Variants in FAM168A observed in about 807,000 individuals in gnomAD.
FAM168A encodes protein FAM168A.
Under a neutral mutation model 28.5 loss-of-function variants are expected in FAM168A, and 3 were observed. The observed-to-expected ratio is 0.11, with a 90% CI of 0.05 to 0.27. FAM168A has a LOEUF of 0.27. FAM168A is among the 10% of genes least tolerant of loss of function. FAM168A has a pLI of 1.00. For missense variants in FAM168A, 222 were observed against 311.5 expected (o/e 0.71, Z 2.16); for synonymous variants, 122 against 124.2 (o/e 0.98, Z 0.12).
intron 1 of FAM168A, among the ~76,000 whole-genome samples, chr11:73,489,263 T>C (rs761758767): frequency 5.9e-5 from 9 of 152,178 alleles, no homozygotes; most frequent in Non-Finnish European, 1.3e-4. Context: ...AACCCTCCTG[T>C]ATTGAGAATT....
chr11:73,408,046 T>A (rs1377835328), intron 6 of FAM168A, among the ~76,000 whole-genome samples: 1 of 152,174 alleles, frequency 6.6e-6, no homozygotes, highest in African/African-American at 2.4e-5. Flanking sequence ...TGATTTTTTA[T>A]TTTTACTAGA....
chr11:73,595,764 T>C (rs1327541599), intron 1 of FAM168A, among the ~76,000 whole-genome samples: 1 of 152,298 alleles, frequency 6.6e-6, no homozygotes, highest in East Asian at 1.9e-4. Context: ...CCCCAAAAAA[T>C]AAAATAAAAA....
intron 3 of FAM168A, among the ~76,000 whole-genome samples, chr11:73,425,854 T>TG (rs1866876793): frequency 6.6e-6 from 1 of 152,222 alleles, no homozygotes; most frequent in Non-Finnish European, 1.5e-5. Flanking sequence ...CCAAATCTAC[T>TG]GGTTTTTAGC....
intron 3 of FAM168A, among the ~76,000 whole-genome samples, chr11:73,422,504 G>A (rs533205550): frequency 9.9e-5 from 15 of 152,198 alleles, no homozygotes; most frequent in Admixed American, 7.2e-4. Context: ...TCCATATAAC[G>A]ATTCTAAAGT....
chr11:73,592,702 G>A (rs552888964), intron 1 of FAM168A, among the ~76,000 whole-genome samples: 1 of 152,138 alleles, frequency 6.6e-6, no homozygotes, highest in African/African-American at 2.4e-5. Flanking sequence ...AGGAAGGGGA[G>A]TGGAAGGGAG....
intron 1 of FAM168A, among the ~76,000 whole-genome samples, chr11:73,574,718 A>ATTTTTT (rs10568027): frequency 3.4e-5 from 3 of 88,640 alleles, no homozygotes; most frequent in East Asian, 6.9e-4. Flanking sequence ...TACACCTGGC[A>ATTTTTT]TTTTTTTTTT....
intron 1 of FAM168A, among the ~76,000 whole-genome samples, chr11:73,552,781 A>G (rs1943844374): frequency 6.6e-6 from 1 of 152,094 alleles, no homozygotes. Flanking sequence ...ACATGGCAAA[A>G]CCCCATCTCT....
At chr11:73,564,477 G>T (rs969714327) in intron 1 of FAM168A, among the ~76,000 whole-genome samples, 1 of 151,568 alleles carries the variant, frequency 6.6e-6, no homozygotes, top group Non-Finnish European at 1.5e-5. Flanking sequence ...AGTGGCTCAC[G>T]CCTATAATCC....
intron 1 of FAM168A, among the ~76,000 whole-genome samples, chr11:73,588,145 C>G (rs185764907): frequency 6.6e-6 from 1 of 152,120 alleles, no homozygotes; most frequent in Admixed American, 6.5e-5. Flanking sequence ...ACTGTACTGG[C>G]TGCTTTAATA....
At chr11:73,585,776 G>T (rs1437721706) in intron 1 of FAM168A, among the ~76,000 whole-genome samples, 1 of 150,948 alleles carries the variant, frequency 6.6e-6, no homozygotes, top group African/African-American at 2.4e-5. Context: ...GCTGAGCCAG[G>T]AGAATCACTG....
intron 2 of FAM168A, among the ~76,000 whole-genome samples, chr11:73,438,457 G>A (rs1867132629): frequency 6.6e-6 from 1 of 152,124 alleles, no homozygotes; most frequent in Non-Finnish European, 1.5e-5. Context: ...ATGCATGAAG[G>A]TATGAAAGTG....
intron 1 of FAM168A, among the ~76,000 whole-genome samples, chr11:73,540,670 A>G (rs1457812520): frequency 6.6e-6 from 1 of 152,184 alleles, no homozygotes. Flanking sequence ...GCTCAAATGC[A>G]ATCTCTTCAG....
chr11:73,515,937 C>T (rs1456160790), intron 1 of FAM168A, among the ~76,000 whole-genome samples: 1 of 151,704 alleles, frequency 6.6e-6, no homozygotes, highest in Non-Finnish European at 1.5e-5. Flanking sequence ...CCCGTCTCTA[C>T]GAAAAATACA....
chr11:73,592,642 G>A (rs1021228917), intron 1 of FAM168A, among the ~76,000 whole-genome samples: 22 of 152,036 alleles, frequency 1.4e-4, no homozygotes, highest in Admixed American at 1.4e-3. Context: ...AGAAGCAAGA[G>A]GAGGGGCTTC....
intron 1 of FAM168A, among the ~76,000 whole-genome samples, chr11:73,553,826 A>T (rs976967983): frequency 2.6e-5 from 4 of 151,864 alleles, no homozygotes; most frequent in Non-Finnish European, 4.4e-5. Flanking sequence ...AAATAAAAAT[A>T]AAATTAAAAA....
At chr11:73,561,312 T>C (rs1486347219) in intron 1 of FAM168A, among the ~76,000 whole-genome samples, 3 of 151,728 alleles carry the variant, frequency 2.0e-5, no homozygotes, top group African/African-American at 4.8e-5. Context: ...GAGGTGGAGG[T>C]TGCAGTGAGC....
intron 2 of FAM168A, among the ~76,000 whole-genome samples, chr11:73,445,721 T>TA (rs1867300567): frequency 6.6e-6 from 1 of 152,156 alleles, no homozygotes; most frequent in South Asian, 2.1e-4. Flanking sequence ...GAACATGTCT[T>TA]AGGTCAATGA....
chr11:73,544,078 G>T (rs1316196881), intron 1 of FAM168A, among the ~76,000 whole-genome samples: 1 of 152,156 alleles, frequency 6.6e-6, no homozygotes, highest in Non-Finnish European at 1.5e-5. Context: ...GCTGCAGTGA[G>T]CTATGATCCC....
At chr11:73,519,486 C>T (rs1293763248) in intron 1 of FAM168A, among the ~76,000 whole-genome samples, 1 of 152,098 alleles carries the variant, frequency 6.6e-6, no homozygotes, top group Non-Finnish European at 1.5e-5. Context: ...CTAATACATC[C>T]TATAATTACA....
Sources: gnomAD v4.1 joint callset for allele counts (sites outside exome capture counted in the v4.1 genomes callset) on GRCh38, gnomAD v4.1.1 for gene constraint, MANE v1.5 for transcripts, NCBI Gene and HGNC (gene_info 2026-07-23, HGNC 2026-07-21) for gene names.